SULT6B1: variants seen among roughly 807,000 people sequenced by gnomAD.
SULT6B1 encodes sulfotransferase family 6B member 1.
SULT6B1 carries 44 observed loss-of-function variants against 37.2 expected under a neutral mutation model. The ratio of observed to expected loss-of-function variants is 1.18; its 90% confidence interval spans 0.93 to 1.52. The LOEUF (loss-of-function observed/expected upper bound fraction) is 1.52. Ranked by LOEUF, SULT6B1 falls within the 40% of genes most tolerant of loss-of-function variation. The pLI, the probability that SULT6B1 is intolerant of heterozygous loss-of-function variation, is 0.00. For missense variants in SULT6B1, 450 were observed against 361.0 expected (o/e 1.25, Z -2.00); for synonymous variants, 140 against 126.0 (o/e 1.11, Z -0.74).
intron 1 of SULT6B1, chr2:37,195,987 A>T (rs566614995): frequency 6.6e-6 from 1 of 151,308 alleles, no homozygotes; most frequent in African/African-American, 2.4e-5. Flanking sequence ...ACGACCAGCT[A>T]TTTTTTTTTA....
upstream of SULT6B1, among the ~76,000 whole-genome samples, chr2:37,190,737 C>T (rs1389388670): frequency 6.6e-6 from 1 of 152,064 alleles, no homozygotes; most frequent in East Asian, 1.9e-4. Context: ...GTATGGGAGA[C>T]ATTTGGGAGT....
intron 5 of SULT6B1, 95 bp from the exon 6 acceptor site, chr2:37,171,685 A>T (rs1676307083): frequency 6.0e-6 from 7 of 1,174,734 alleles, no homozygotes; most frequent in Non-Finnish European, 7.2e-6. Flanking sequence ...ATTCAGCCTA[A>T]CTCCCTAGTT....
At chr2:37,169,433 T>C (rs1676248514) in intron 6 of SULT6B1, among the ~76,000 whole-genome samples, 1 of 152,214 alleles carries the variant, frequency 6.6e-6, no homozygotes. Context: ...TTCCTACATT[T>C]AGAAAATTAA....
At chr2:37,181,041 C>A (rs552654044) in intron 3 of SULT6B1, among the ~76,000 whole-genome samples, 1 of 152,078 alleles carries the variant, frequency 6.6e-6, no homozygotes, top group South Asian at 2.1e-4. Flanking sequence ...GCTATATTTA[C>A]CAAATTTGTA....
intron 2 of SULT6B1, 44 bp from the exon 3 acceptor site, chr2:37,183,558 ATGTGTGTGTG>A: frequency 7.0e-7 from 1 of 1,434,572 alleles, no homozygotes; most frequent in Non-Finnish European, 9.8e-7. Context: ...ACGTGTGTGC[ATGTGTGTGTG>A]TGTGTTGAAT....
upstream of SULT6B1, among the ~76,000 whole-genome samples, chr2:37,190,753 A>G (rs1478789380): frequency 6.6e-6 from 1 of 152,172 alleles, no homozygotes; most frequent in Non-Finnish European, 1.5e-5. Flanking sequence ...GGAGTGGTAC[A>G]GGATGCAGGG....
Position 37,188,576 on chromosome 2 carries a change from G to C in SULT6B1, c.65C>G (p.Ala22Gly). 1 of 1,571,506 alleles carries C rather than the reference G, an allele frequency of 6.4e-7. No homozygotes were observed. The highest frequency in any genetic ancestry group is 8.8e-7 in the Non-Finnish European group (1 of 1,141,176). ...ATAGGTGAAAAATAAATGAGAGAGT[G>C]CAGTTTCTTTTGATTTTTCTAAAGC... The part of the protein sequence containing the change: ...DEALEKSKET[A>G]LSHLFFTYQG... Residue 22 changes from alanine (A) to glycine (G), a missense_variant, in exon 1 of 7, where the codon GCA becomes GGA. By Grantham distance (60) the Ala-to-Gly change is moderately conservative. Transcript: ENST00000535679.
chr2:37,181,082 C>A (rs1253607342), intron 3 of SULT6B1, among the ~76,000 whole-genome samples: 1 of 152,122 alleles, frequency 6.6e-6, no homozygotes, highest in African/African-American at 2.4e-5. Context: ...GAATCAGGAT[C>A]TCAAAATACC....
chr2:37,176,024 C>T (rs1247228575), intron 4 of SULT6B1, among the ~76,000 whole-genome samples: 2 of 152,136 alleles, frequency 1.3e-5, no homozygotes, highest in East Asian at 3.9e-4. Context: ...CAGTCCCATT[C>T]AAGTCCCATT....
chr2:37,169,110 G>A (rs1298183849), intron 6 of SULT6B1, among the ~76,000 whole-genome samples: 1 of 152,112 alleles, frequency 6.6e-6, no homozygotes, highest in Non-Finnish European at 1.5e-5. Flanking sequence ...ATTTTCTACA[G>A]GGAATATCAT....
chr2:37,184,968 C>T (rs967721284), intron 2 of SULT6B1, among the ~76,000 whole-genome samples: 5 of 152,170 alleles, frequency 3.3e-5, no homozygotes, highest in Non-Finnish European at 7.3e-5. Context: ...ATCTGATTTA[C>T]AACAAATGGT....
intron 2 of SULT6B1, among the ~76,000 whole-genome samples, chr2:37,186,024 A>G (rs1467787721): frequency 6.6e-6 from 1 of 151,718 alleles, no homozygotes; most frequent in African/African-American, 2.4e-5. Flanking sequence ...CCTCCAAAAC[A>G]CCCTCCTCTG....
intron 5 of SULT6B1, among the ~76,000 whole-genome samples, chr2:37,173,729 C>G (rs1249918991): frequency 6.6e-6 from 1 of 152,160 alleles, no homozygotes. Flanking sequence ...TCCTGTTGGC[C>G]TTCCCTTCAA....
chr2:37,194,474 G>T, intron 1 of SULT6B1: 1 of 421,000 alleles, frequency 2.4e-6, no homozygotes, highest in Non-Finnish European at 4.6e-6. Context: ...ACATCCTCTG[G>T]ACAGCTGCAC....
chr2:37,194,192 G>A (rs769551571), intron 1 of SULT6B1, among the ~76,000 whole-genome samples: 2 of 148,330 alleles, frequency 1.3e-5, no homozygotes, highest in South Asian at 2.1e-4. Context: ...TTTTTTTTTC[G>A]AGACAAAGCC....
At chr2:37,179,332 T>C in intron 4 of SULT6B1, 126 bp downstream of exon 4, 1 of 1,219,720 alleles carries the variant, frequency 8.2e-7, no homozygotes, top group South Asian at 1.3e-5. Flanking sequence ...ACCGTTCATT[T>C]AAATGAAACT....
upstream of SULT6B1, among the ~76,000 whole-genome samples, chr2:37,191,882 A>C (rs1676787525): frequency 6.6e-6 from 1 of 152,178 alleles, no homozygotes; most frequent in African/African-American, 2.4e-5. Flanking sequence ...GCATGCTATA[A>C]CACCCGCTCT....
chr2:37,167,903 A>T lies in SULT6B1; in HGVS notation c.*32T>A. 61 of 1,522,518 alleles carry T rather than the reference A, an allele frequency of 4.0e-5. No individual in the cohort carries two copies. The highest frequency in any genetic ancestry group is 5.3e-5 in the Non-Finnish European group (61 of 1,146,126). 94.3% of individuals were successfully genotyped at this position (1,522,518 alleles called of 1,614,324 possible). A position where few individuals can be genotyped will look rare whatever the true frequency, so the allele number is the denominator to read the frequency against. On this transcript the variant is annotated 3_prime_UTR_variant, in exon 7 of 7. Transcript: ENST00000535679. ...ATTTACACTTAATTATTATTAAGGA[A>T]AATAAATCTAGGCCTGCTGAATTGA...
chr2:37,183,451 C>T lies in SULT6B1; in HGVS notation c.376G>A (p.Gly126Arg), dbSNP rs1676599438. 1.2e-6 allele frequency: 2 copies of T among 1,613,894 alleles called. No homozygotes were observed. The highest frequency in any genetic ancestry group is 1.3e-5 in the African/African-American group (1 of 74,892). Reference sequence around the variant, plus strand: ...TTGGCTTTATTCTCGAAGATAGACCCAGGTAATTTGTCATAGTGGAGGTGA... The same window carrying T: ...TTGGCTTTATTCTCGAAGATAGACCTAGGTAATTTGTCATAGTGGAGGTGA... Reference protein sequence around the residue: ...ATHLHYDKLPGSIFENKAKIL... With the variant: ...ATHLHYDKLPRSIFENKAKIL... Residue 126 changes from glycine (G) to arginine (R), a missense_variant, in exon 3 of 7, where the codon GGG (glycine) becomes AGG (arginine). By Grantham distance (125) the Gly-to-Arg change is moderately radical. Coordinates refer to ENST00000535679, the MANE Select transcript of SULT6B1 (RefSeq NM_001367551.1).
Sources: allele counts gnomAD v4.1 joint callset (sites outside exome capture counted in the v4.1 genomes callset), GRCh38; gene constraint gnomAD v4.1.1; transcripts MANE v1.5; gene names NCBI Gene and HGNC (gene_info 2026-07-23, HGNC 2026-07-21).